Variants in KANK1 observed in about 807,000 individuals in gnomAD.
KANK1 encodes the protein KN motif and ankyrin repeat domains 1.
In KANK1, 109 loss-of-function variants were observed where a neutral mutation model predicts 106.2. The ratio of observed to expected loss-of-function variants is 1.03; its 90% CI spans 0.88 to 1.20. The LOEUF (loss-of-function observed/expected upper bound fraction) is 1.20, where lower values mean the gene tolerates loss of function less well. Ranked by LOEUF, KANK1 falls within the 50% of genes most tolerant of loss-of-function variation. The pLI is 0.00. For synonymous variants in KANK1, 873 were observed against 652.2 expected, an observed-to-expected ratio of 1.34 and a Z score of -5.16; for missense variants, 2,399 against 1,710.7, an observed-to-expected ratio of 1.40 and a Z score of -7.10.
intron 8 of KANK1, among the ~76,000 whole-genome samples, chr9:739,006 C>A (rs569217093): frequency 7.0e-4 from 106 of 152,194 alleles, no homozygotes; most frequent in Non-Finnish European, 1.4e-3. Flanking sequence ...CAAATGATCA[C>A]CATTCTCACC....
intron 1 of KANK1, among the ~76,000 whole-genome samples, chr9:637,519 G>A (rs1837429766): frequency 1.3e-5 from 2 of 152,002 alleles, no homozygotes; most frequent in African/African-American, 2.4e-5. Flanking sequence ...CGTATTGCTG[G>A]GACTTACCTT....
At chr9:664,226 C>T (rs964634954) in intron 1 of KANK1, among the ~76,000 whole-genome samples, 12 of 152,068 alleles carry the variant, frequency 7.9e-5, no homozygotes, top group African/African-American at 2.9e-4. Flanking sequence ...TTCCCCATCC[C>T]CACTACCCTT....
At position 731,256 on chromosome 9, in the gene KANK1, A is replaced by G. The variant is rs777785989; in HGVS notation, c.2995A>G (p.Ile999Val). Reference protein sequence around the residue: ...GAKKNLQFVGINGGYETTSSD... With the variant: ...GAKKNLQFVGVNGGYETTSSD... ...AAAAAAGAATCTTCAGTTTGTTGGCATTAATGGAGGGTAAGGAAAGATGGT... is the reference window on the plus strand; with the variant it reads ...AAAAAAGAATCTTCAGTTTGTTGGCGTTAATGGAGGGTAAGGAAAGATGGT... The change falls in exon 5 of 12, where the codon ATT becomes GTT. Residue 999 changes from isoleucine to valine, a missense_variant. By Grantham distance (29) the Ile-to-Val change is conservative. Coordinates refer to ENST00000382297, the MANE Select transcript of KANK1 (RefSeq NM_015158.5). The G allele has an allele frequency of 1.3e-6, 2 of 1,591,154 alleles. No individual in the cohort carries two copies. Among genetic ancestry groups the G allele is most frequent in the Admixed American group, 1.7e-5 (1 of 59,900 alleles).
At chr9:549,807 G>C (rs995820289) in intron 1 of KANK1, 3 of 152,322 alleles carry the variant, frequency 2.0e-5, no homozygotes, top group East Asian at 3.9e-4. Flanking sequence ...CGCAGGTGGC[G>C]GTTATTGTCT....
Position 520,839 on chromosome 9 carries a change from T to C in KANK1, c.-84+16085T>C, listed in dbSNP as rs548222982. On this transcript the variant is annotated intron_variant, in intron 1 of 11. Coordinates refer to ENST00000382297, the MANE Select transcript of KANK1 (RefSeq NM_015158.5). ...CCATGGCTCCAGATCTGTATTTTAATCAAGAAGTTACACTTCTTCCTCTCT... is the reference window on the plus strand; with the variant it reads ...CCATGGCTCCAGATCTGTATTTTAACCAAGAAGTTACACTTCTTCCTCTCT... 5.4e-4 allele frequency among the ~76,000 whole-genome samples: 82 copies of C among 151,836 alleles called. 2 individuals carry two copies. The South Asian group carries it at 0.014, about 25-fold the overall frequency.
chr9:619,279 G>A (rs940960829), intron 1 of KANK1, among the ~76,000 whole-genome samples: 2 of 152,160 alleles, frequency 1.3e-5, no homozygotes, highest in South Asian at 2.1e-4. Flanking sequence ...AAGCCACACA[G>A]TACTTAAAAC....
rs758187930 is a variant in KANK1 at position 712,505 on chromosome 9, G to C, written c.1739G>C (p.Arg580Pro). The change falls in exon 3 of 12, where the codon CGA becomes CCA. Residue 580 changes from arginine to proline, a missense_variant. Transcript: ENST00000382297. Reference sequence around the variant, plus strand: ...AAGGAGAGGGTGGAAATGCATGACCGATGTGCTGGGAGGTCTGTGGAAATG... The same window carrying C: ...AAGGAGAGGGTGGAAATGCATGACCCATGTGCTGGGAGGTCTGTGGAAATG... ...IVKERVEMHD[R>P]CAGRSVEMCD... The C allele has an allele frequency of 1.2e-6, 2 of 1,614,208 alleles. No homozygotes were observed. The highest frequency in any genetic ancestry group is 1.1e-5 in the South Asian group (1 of 91,078).
chr9:691,384 A>T (rs1274246365), intron 2 of KANK1, among the ~76,000 whole-genome samples: 1 of 150,964 alleles, frequency 6.6e-6, no homozygotes, highest in African/African-American at 2.4e-5. Flanking sequence ...TGATAGTTTT[A>T]AAATTGTATG....
In KANK1 at chr9:740,162, C is replaced by G. The variant is rs193153420; in HGVS notation, c.3554-630C>G. Among the ~76,000 whole-genome samples, 304 of 152,286 alleles carry G rather than the reference C, an allele frequency of 2.0e-3. 2 individuals carry two copies. Among genetic ancestry groups the G allele is most frequent in the Middle Eastern group, 3.4e-3 (1 of 294 alleles). On this transcript the variant is annotated intron_variant, in intron 8 of 11. Transcript: ENST00000382297. Reference sequence around the variant, plus strand: ...AAATGCCCGAAGGATAATTTTATCCCTGAAGACTCCTTAAGAATTACAAGA... The same window carrying G: ...AAATGCCCGAAGGATAATTTTATCCGTGAAGACTCCTTAAGAATTACAAGA...
At chr9:723,620 C>G (rs1829929713) in intron 3 of KANK1, among the ~76,000 whole-genome samples, 1 of 150,578 alleles carries the variant, frequency 6.6e-6, no homozygotes, top group Non-Finnish European at 1.5e-5. Context: ...GTGTGAGACC[C>G]TGTCTGTAAT....
At chr9:581,459 C>G (rs931548315) in intron 1 of KANK1, among the ~76,000 whole-genome samples, 1 of 152,180 alleles carries the variant, frequency 6.6e-6, no homozygotes, top group African/African-American at 2.4e-5. Context: ...GATCCGTGAT[C>G]CACTGATGGA....
chr9:558,013 C>G (rs1024913769), intron 1 of KANK1, among the ~76,000 whole-genome samples: 1 of 152,050 alleles, frequency 6.6e-6, no homozygotes, highest in Non-Finnish European at 1.5e-5. Context: ...AAAAAACAAA[C>G]AAACAAACCT....
chr9:495,727 C>T (rs763929231), intron 3 of KANK1: 1 of 152,204 alleles, frequency 6.6e-6, no homozygotes, highest in Non-Finnish European at 1.5e-5. Flanking sequence ...ACTCCCTCCA[C>T]CCCACCCCAG....
In KANK1 at chr9:631,120, G is replaced by T. The variant is rs1835628961; in HGVS notation, c.-83-45770G>T. On this transcript the variant is annotated intron_variant, in intron 1 of 11. Transcript: ENST00000382297. ...CTGCTGTTATTGTTGTTTCTGTTCA[G>T]CGTTAATACGTTTTGCATTGTACCA... Among the ~76,000 whole-genome samples, 3 of 152,086 alleles carry T rather than the reference G, an allele frequency of 2.0e-5. No homozygotes were observed. In the South Asian group the frequency reaches 6.2e-4, roughly 32 times the overall value.
At chr9:481,574 T>C (rs912165736) in intron 3 of KANK1, among the ~76,000 whole-genome samples, 1 of 152,196 alleles carries the variant, frequency 6.6e-6, no homozygotes, top group Non-Finnish European at 1.5e-5. Context: ...AAATAAGATA[T>C]GTCCATACAA....
rs28626827 is a variant in KANK1, at chr9:628,524, C to A, written c.-83-48366C>A. Among the ~76,000 whole-genome samples, 5 of 152,036 alleles carry A rather than the reference C, an allele frequency of 3.3e-5. No individual in the cohort carries two copies. In the East Asian group the frequency reaches 9.6e-4, roughly 29 times the overall value. ...CATTTCTTCAGTGTCTGCCTCTGCT[C>A]GTCACTTGAGGTGCTGGTAAACTAA... On this transcript the variant is annotated intron_variant, in intron 1 of 11. Transcript: ENST00000382297.
intron 1 of KANK1, among the ~76,000 whole-genome samples, chr9:649,627 C>G (rs1182925522): frequency 3.3e-5 from 5 of 152,164 alleles, no homozygotes; most frequent in Admixed American, 3.3e-4. Flanking sequence ...TGGCACAGAA[C>G]AGTAGCTTTG....
chr9:557,296 T>C (rs972933741), intron 1 of KANK1, among the ~76,000 whole-genome samples: 3 of 152,028 alleles, frequency 2.0e-5, no homozygotes, highest in Non-Finnish European at 4.4e-5. Context: ...CCAGCAAATA[T>C]AAAACAGAAA....
intron 1 of KANK1, among the ~76,000 whole-genome samples, chr9:666,322 A>C (rs574477335): frequency 6.6e-6 from 1 of 152,352 alleles, no homozygotes; most frequent in Admixed American, 6.5e-5. Context: ...TGTATCCTGC[A>C]GCTTTACTGA....
Sources: gnomAD v4.1 joint callset for allele counts (sites outside exome capture counted in the v4.1 genomes callset) on GRCh38, gnomAD v4.1.1 for gene constraint, MANE v1.5 for transcripts, NCBI Gene and HGNC (gene_info 2026-07-23, HGNC 2026-07-21) for gene names.